CYTH3: variants seen among roughly 807,000 people sequenced by gnomAD.
CYTH3 encodes the protein cytohesin-3.
In CYTH3, 23 loss-of-function variants were observed where a neutral mutation model predicts 55.1. The ratio of observed to expected loss-of-function variants is 0.42; its 90% CI spans 0.30 to 0.59. The LOEUF (loss-of-function observed/expected upper bound fraction) is 0.59. CYTH3 is among the 20% of genes least tolerant of loss of function. The pLI is 0.20. For synonymous variants in CYTH3, 249 were observed against 194.9 expected (o/e 1.28, Z -2.31); for missense variants, 413 against 524.8 (o/e 0.79, Z 2.08).
chr7:6,222,139 G>A (rs1473910333), intron 1 of CYTH3, among the ~76,000 whole-genome samples: 1 of 152,166 alleles, frequency 6.6e-6, no homozygotes, highest in East Asian at 1.9e-4. Flanking sequence ...AAAGAGCTTT[G>A]GTCCCTCCTG....
chr7:6,269,865 A>G (rs61446642), intron 1 of CYTH3, among the ~76,000 whole-genome samples: 3,966 of 152,332 alleles, frequency 0.026, 166 homozygotes, highest in African/African-American at 0.091. Flanking sequence ...TAACCTGACC[A>G]TTAACAAAAA....
At chr7:6,247,719 C>T (rs949206873) in intron 1 of CYTH3, among the ~76,000 whole-genome samples, 2 of 152,166 alleles carry the variant, frequency 1.3e-5, no homozygotes, top group Admixed American at 6.5e-5. Flanking sequence ...TCACAGCTCA[C>T]TGCAGTCTTG....
intron 1 of CYTH3, among the ~76,000 whole-genome samples, chr7:6,266,454 T>C (rs1780496096): frequency 6.6e-6 from 1 of 151,962 alleles, no homozygotes; most frequent in Admixed American, 6.5e-5. Flanking sequence ...GTAAATCAAA[T>C]GAGATTTCCC....
Position 6,164,866 on chromosome 7 carries a change from C to T in CYTH3, c.*78G>A, listed in dbSNP as rs530177618. On this transcript the variant is annotated 3_prime_UTR_variant, in exon 13 of 13. Transcript: ENST00000350796. ...CCGCAGGGCGACTGCCTCCCTGCCA[C>T]GCCTTCCGCGGAGGGGCCGCCCGCG... 79 of 1,516,806 alleles carry T rather than the reference C, an allele frequency of 5.2e-5. No homozygotes were observed. Among genetic ancestry groups the T allele is most frequent in the Middle Eastern group, 3.6e-4 (2 of 5,484 alleles). 94.0% of individuals were successfully genotyped at this position (1,516,806 alleles called of 1,614,324 possible).
intron 1 of CYTH3, among the ~76,000 whole-genome samples, chr7:6,211,011 C>T (rs1784308216): frequency 6.6e-6 from 1 of 152,212 alleles, no homozygotes; most frequent in Admixed American, 6.5e-5. Context: ...TTTGGCAGTA[C>T]TCATGAAAAT....
chr7:6,171,350 G>T lies in CYTH3; in HGVS notation c.450-36C>A. ...ACCAAAGCCATGGGAAGCCGCATCA[G>T]AACCAACACCGCCTCACGGCCAAGG... On this transcript the variant is annotated intron_variant, in intron 6 of 12. Coordinates refer to ENST00000350796, the MANE Select transcript of CYTH3 (RefSeq NM_004227.4). The surrounding 1 kb of genome is among the most constrained non-coding windows in gnomAD (Gnocchi z 6.7). 1 of 1,601,368 alleles carries T rather than the reference G, an allele frequency of 6.2e-7. No individual in the cohort carries two copies. The highest frequency in any genetic ancestry group is 1.1e-5 in the South Asian group (1 of 90,776).
intron 12 of CYTH3, 43 bp downstream of exon 12, chr7:6,165,230 C>A (rs748288823): frequency 1.0e-5 from 16 of 1,584,474 alleles, no homozygotes; most frequent in South Asian, 2.3e-5. Flanking sequence ...CTCCAACCGG[C>A]ACGAGAAGAC....
chr7:6,170,578 G>A lies in CYTH3; in HGVS notation c.780C>T (p.His260=), dbSNP rs1314833174. ...IPEDDGNDLT[H]TFFNPDREGW... ...CCTCGCGGTCGGGGTTGAAGAAGGTGTGGGTCAGGTCGTTCCCGTCGTCCT... is the reference window on the plus strand; with the variant it reads ...CCTCGCGGTCGGGGTTGAAGAAGGTATGGGTCAGGTCGTTCCCGTCGTCCT... Residue 260 remains histidine, a synonymous_variant, in exon 9 of 13, where the codon CAC becomes CAT. Coordinates refer to ENST00000350796, the MANE Select transcript of CYTH3 (RefSeq NM_004227.4). The surrounding 1 kb of genome is among the most constrained non-coding windows in gnomAD (Gnocchi z 7.8). 6.2e-7 allele frequency: 1 copy of A among 1,614,040 alleles called. No homozygotes were observed. Among genetic ancestry groups the A allele is most frequent in the South Asian group, 1.1e-5 (1 of 91,080 alleles).
chr7:6,179,857 ACCACACACAC>A (rs1020047809), intron 4 of CYTH3, among the ~76,000 whole-genome samples: 16 of 112,410 alleles, frequency 1.4e-4, no homozygotes, highest in South Asian at 5.8e-4. Context: ...CCACAGACAC[ACCACACACAC>A]CCACACACAC....
intron 6 of CYTH3, chr7:6,173,040 G>A (rs545974586): frequency 9.3e-7 from 1 of 1,072,040 alleles, no homozygotes; most frequent in South Asian, 2.2e-5. Flanking sequence ...CCCACCAGAA[G>A]CCCTGCCTCC....
At chr7:6,173,500 C>T (rs73335476) in intron 6 of CYTH3, among the ~76,000 whole-genome samples, 153 bp downstream of exon 6, 204 of 152,322 alleles carry the variant, frequency 1.3e-3, no homozygotes, top group African/African-American at 4.5e-3. Flanking sequence ...CAGTGTCACA[C>T]AGCATTAGCT....
chr7:6,238,926 A>T (rs187663634), intron 1 of CYTH3, among the ~76,000 whole-genome samples: 20 of 149,108 alleles, frequency 1.3e-4, no homozygotes, highest in Admixed American at 1.1e-3. Context: ...AATAATAATA[A>T]AAAAAAGCCA....
At chr7:6,253,573 T>C (rs1780026920) in intron 1 of CYTH3, among the ~76,000 whole-genome samples, 1 of 151,906 alleles carries the variant, frequency 6.6e-6, no homozygotes, top group Non-Finnish European at 1.5e-5. Flanking sequence ...ATCCCAACAC[T>C]TTGGGAGGCC....
chr7:6,222,179 G>C (rs536483885), intron 1 of CYTH3, among the ~76,000 whole-genome samples: 4 of 152,202 alleles, frequency 2.6e-5, no homozygotes, highest in Non-Finnish European at 5.9e-5. Flanking sequence ...CTCTGAGTGA[G>C]ATGTGATCAA....
intron 5 of CYTH3, among the ~76,000 whole-genome samples, chr7:6,174,707 C>T (rs965261390): frequency 7.2e-5 from 11 of 152,062 alleles, no homozygotes; most frequent in Non-Finnish European, 1.3e-4. Context: ...GCCAGCACGC[C>T]TGGCTAATTT....
In CYTH3 at chr7:6,170,935, G is replaced by T; in HGVS notation, c.606C>A (p.Thr202=). The change falls in exon 8 of 13, where the codon ACC becomes ACA. Residue 202 remains threonine (T), a synonymous_variant. Transcript: ENST00000350796. The surrounding 1 kb of genome is among the most constrained non-coding windows in gnomAD (Gnocchi z 7.8). ...CACGCACGTTGTGGTTGTGGAGGCT[G>T]GTGTTGAGCATGATGATGGCGAATG... The part of the protein sequence containing the change: ...VLSFAIIMLN[T]SLHNHNVRDK... The T allele has an allele frequency of 6.2e-7, 1 of 1,614,034 alleles. No individual in the cohort carries two copies. Among genetic ancestry groups the T allele is most frequent in the South Asian group, 1.1e-5 (1 of 91,086 alleles).
At chr7:6,255,912 C>T (rs1375610329) in intron 1 of CYTH3, among the ~76,000 whole-genome samples, 3 of 151,660 alleles carry the variant, frequency 2.0e-5, no homozygotes. Flanking sequence ...TACAGGTGCC[C>T]GCCACTACGC....
In CYTH3 at chr7:6,171,446, G is replaced by A; in HGVS notation, c.450-132C>T. On this transcript the variant is annotated intron_variant, in intron 6 of 12. Transcript: ENST00000350796. This position sits in a 1 kb window ranked among gnomAD's most constrained non-coding sequence, Gnocchi z 6.7. Reference sequence around the variant, plus strand: ...GGGTACAGCTCTGGCAGGGGCTTGGGGGCGCAGAGACAGAAAGGAGAAGAC... The same window carrying A: ...GGGTACAGCTCTGGCAGGGGCTTGGAGGCGCAGAGACAGAAAGGAGAAGAC... 3 of 710,886 alleles carry A rather than the reference G, an allele frequency of 4.2e-6. No homozygotes were observed. The South Asian group carries it at 5.2e-5, about 12-fold the overall frequency. The allele number at this position is 710,886 out of a possible 1,614,324, so 44.0% of individuals were successfully genotyped here. A position where few individuals can be genotyped will look rare whatever the true frequency, so the allele number is the denominator to read the frequency against.
Position 6,236,598 on chromosome 7 carries a change from G to A in CYTH3, c.34+35876C>T, listed in dbSNP as rs567531077. Reference sequence around the variant, plus strand: ...TTTTTAGGCAAATTCTCGCTCTGTCGCCCAGGCTGGAGTATAGTGGCATGA... The same window carrying A: ...TTTTTAGGCAAATTCTCGCTCTGTCACCCAGGCTGGAGTATAGTGGCATGA... On this transcript the variant is annotated intron_variant, in intron 1 of 12. Coordinates refer to ENST00000350796, the MANE Select transcript of CYTH3 (RefSeq NM_004227.4). Among the ~76,000 whole-genome samples the A allele has an allele frequency of 4.6e-5, 7 of 151,500 alleles. No individual in the cohort carries two copies. The South Asian group carries it at 8.3e-4, about 18-fold the overall frequency.
Sources: gnomAD v4.1 joint callset for allele counts (sites outside exome capture counted in the v4.1 genomes callset) on GRCh38, gnomAD v4.1.1 for gene constraint, Gnocchi (gnomAD v3.1) non-coding constraint, MANE v1.5 for transcripts, NCBI Gene and HGNC (gene_info 2026-07-23, HGNC 2026-07-21) for gene names.